Variants in DCAF10 observed in about 807,000 individuals in gnomAD.
The protein encoded by DCAF10 is DDB1- and CUL4-associated factor 10.
Under a neutral mutation model 51.9 loss-of-function variants are expected in DCAF10, and 19 were observed. That is an observed-to-expected ratio of 0.37 (90% CI 0.26 to 0.54). The LOEUF (loss-of-function observed/expected upper bound fraction) is 0.54, where lower values mean the gene tolerates loss of function less well. DCAF10 is among the 20% of genes least tolerant of loss of function. The pLI is 0.87. For missense variants in DCAF10, 510 were observed against 730.6 expected, an observed-to-expected ratio of 0.70 and a Z score of 3.48; for synonymous variants, 291 against 297.1, an observed-to-expected ratio of 0.98 and a Z score of 0.21.
chr9:37,823,122 A>G (rs1290761769), intron 2 of DCAF10, among the ~76,000 whole-genome samples: 2 of 152,212 alleles, frequency 1.3e-5, no homozygotes, highest in African/African-American at 4.8e-5. Flanking sequence ...TAAAATATGA[A>G]AAAGTAGTTG....
chr9:37,821,748 A>T (rs1340611532), intron 2 of DCAF10, among the ~76,000 whole-genome samples: 1 of 152,216 alleles, frequency 6.6e-6, no homozygotes, highest in African/African-American at 2.4e-5. Flanking sequence ...TGCAATAAAG[A>T]TAAAGATAAA....
At chr9:37,840,878 TTCTA>T (rs981524993) in intron 2 of DCAF10, among the ~76,000 whole-genome samples, 10 of 152,166 alleles carry the variant, frequency 6.6e-5, no homozygotes, top group African/African-American at 2.4e-4. Context: ...ACTGTATTTT[TTCTA>T]TCTTTCAATA....
rs1042024518 is a variant in DCAF10 at position 37,829,447 on chromosome 9, A to G, written c.653+10046A>G. ...AAGAGCAAGACTCCATGTCAAAAAAATTAATAAATAAAATAAAATAAAACA... is the reference window on the plus strand; with the variant it reads ...AAGAGCAAGACTCCATGTCAAAAAAGTTAATAAATAAAATAAAATAAAACA... On this transcript the variant is annotated intron_variant, in intron 2 of 6. Coordinates refer to ENST00000377724, the MANE Select transcript of DCAF10 (RefSeq NM_024345.5). This position sits in a 1 kb window ranked among gnomAD's most constrained non-coding sequence, Gnocchi z 4.2. 2.6e-5 allele frequency among the ~76,000 whole-genome samples: 4 copies of G among 152,134 alleles called. No individual in the cohort carries two copies. Among genetic ancestry groups the G allele is most frequent in the African/African-American group, 9.7e-5 (4 of 41,410 alleles).
chr9:37,856,840 A>G (rs570965995), intron 4 of DCAF10, among the ~76,000 whole-genome samples: 2 of 152,316 alleles, frequency 1.3e-5, no homozygotes, highest in East Asian at 3.9e-4. Flanking sequence ...AGTTTTTGGT[A>G]TACTTTAAAG....
At chr9:37,826,727 A>T (rs1360754821) in intron 2 of DCAF10, among the ~76,000 whole-genome samples, 1 of 152,100 alleles carries the variant, frequency 6.6e-6, no homozygotes, top group Non-Finnish European at 1.5e-5. Flanking sequence ...TTCAGAACCT[A>T]GCAGTTTTTT....
intron 3 of DCAF10, among the ~76,000 whole-genome samples, chr9:37,852,303 T>C (rs1830678289): frequency 1.3e-5 from 2 of 152,164 alleles, no homozygotes; most frequent in Non-Finnish European, 1.5e-5. Context: ...CTTTATTCAA[T>C]AAGATGAGTT....
chr9:37,821,056 C>G (rs1829685713), intron 2 of DCAF10, among the ~76,000 whole-genome samples: 2 of 151,660 alleles, frequency 1.3e-5, no homozygotes, highest in African/African-American at 4.9e-5. Flanking sequence ...CCATTTCTTG[C>G]TATCCTTTCT....
chr9:37,865,929 T>G lies in DCAF10; in HGVS notation c.*4421T>G, dbSNP rs1831127825. ...AAATTGTGTTATCTAGAAAGTGCAA[T>G]ATAGGGAAAACACTCTAAGAATCTT... On this transcript the variant is annotated 3_prime_UTR_variant, in exon 7 of 7. Transcript: ENST00000377724. 6.5e-6 allele frequency: 1 copy of G among 152,766 alleles called. No individual in the cohort carries two copies. Among genetic ancestry groups the G allele is most frequent in the East Asian group, 1.9e-4 (1 of 5,190 alleles). 9.5% of individuals were successfully genotyped at this position (152,766 alleles called of 1,614,324 possible). A position where few individuals can be genotyped will look rare whatever the true frequency, so the allele number is the denominator to read the frequency against.
intron 1 of DCAF10, among the ~76,000 whole-genome samples, chr9:37,810,384 G>A (rs1407950234): frequency 1.3e-5 from 2 of 152,124 alleles, no homozygotes; most frequent in South Asian, 2.1e-4. Flanking sequence ...ATTTGAGCTC[G>A]CTTCTCTGAG....
upstream of DCAF10, chr9:37,800,724 C>G (rs1828890834): frequency 6.5e-7 from 1 of 1,535,260 alleles, no homozygotes; most frequent in African/African-American, 1.4e-5. Flanking sequence ...TTCCCGGTCC[C>G]CGGCGGACGG....
chr9:37,802,603 A>G (rs905161104), intron 1 of DCAF10, among the ~76,000 whole-genome samples: 3 of 152,204 alleles, frequency 2.0e-5, no homozygotes, highest in African/African-American at 7.2e-5. Context: ...GAAGTTGCTA[A>G]GGAAGGAGCA....
intron 5 of DCAF10, among the ~76,000 whole-genome samples, chr9:37,858,120 T>G (rs150271762): frequency 1.3e-5 from 2 of 152,276 alleles, no homozygotes; most frequent in African/African-American, 4.8e-5. Flanking sequence ...AATCTTAGAC[T>G]TCTAATTTGT....
Position 37,829,466 on chromosome 9 carries a change from T to G in DCAF10, c.653+10065T>G, listed in dbSNP as rs531590520. On this transcript the variant is annotated intron_variant, in intron 2 of 6. Coordinates refer to ENST00000377724, the MANE Select transcript of DCAF10 (RefSeq NM_024345.5). The surrounding 1 kb of genome is among the most constrained non-coding windows in gnomAD (Gnocchi z 4.2). ...AAAAAAATTAATAAATAAAATAAAA[T>G]AAAACAAAAAACTACAATGAAGAAT... Among the ~76,000 whole-genome samples, 1 of 151,622 alleles carries G rather than the reference T, an allele frequency of 6.6e-6. No individual in the cohort carries two copies. The highest frequency in any genetic ancestry group is 2.4e-5 in the African/African-American group (1 of 41,274).
At chr9:37,836,233 A>C in intron 2 of DCAF10, 1 of 1,543,564 alleles carries the variant, frequency 6.5e-7, no homozygotes, top group Non-Finnish European at 9.0e-7. Flanking sequence ...GAGTTAGAAC[A>C]TCTAACTGGA....
rs1210644446 is a variant in DCAF10, at chr9:37,801,710, G to A, written c.539+305G>A. On this transcript the variant is annotated intron_variant, in intron 1 of 6. Transcript: ENST00000377724. The surrounding 1 kb of genome is among the most constrained non-coding windows in gnomAD (Gnocchi z 5.5). Reference sequence around the variant, plus strand: ...GCCAGCCCACAACTAGGGCTTTCTGGTACACAGTAGGTGCTCAGTAAATAC... The same window carrying A: ...GCCAGCCCACAACTAGGGCTTTCTGATACACAGTAGGTGCTCAGTAAATAC... Among the ~76,000 whole-genome samples, 2 of 152,224 alleles carry A rather than the reference G, an allele frequency of 1.3e-5. No homozygotes were observed. The highest frequency in any genetic ancestry group is 2.9e-5 in the Non-Finnish European group (2 of 68,034).
At chr9:37,832,873 TTTTTA>T (rs948455596) in intron 2 of DCAF10, among the ~76,000 whole-genome samples, 1 of 151,246 alleles carries the variant, frequency 6.6e-6, no homozygotes, top group African/African-American at 2.5e-5. Flanking sequence ...TTTGTTTTGT[TTTTTA>T]TTTTTTGTTT....
At chr9:37,842,518 G>A (rs1830364090) in intron 3 of DCAF10, among the ~76,000 whole-genome samples, 1 of 152,012 alleles carries the variant, frequency 6.6e-6, no homozygotes, top group Admixed American at 6.6e-5. Flanking sequence ...ATGAAAACTG[G>A]CTTATAAAAA....
intron 2 of DCAF10, chr9:37,836,100 G>A: frequency 1.6e-6 from 2 of 1,226,068 alleles, no homozygotes; most frequent in Non-Finnish European, 2.4e-6. Context: ...TAAAGAACTT[G>A]GTATCTCTAT....
At position 37,861,211 on chromosome 9, in the gene DCAF10, G is replaced by T. The variant is rs1587136886; in HGVS notation, c.1383G>T (p.Leu461=). Residue 461 remains leucine (L), a synonymous_variant, in exon 7 of 7, where the codon CTG becomes CTT. Coordinates refer to ENST00000377724, the MANE Select transcript of DCAF10 (RefSeq NM_024345.5). The surrounding 1 kb of genome is among the most constrained non-coding windows in gnomAD (Gnocchi z 4.9). The stretch of plus-strand genomic sequence containing the variant: ...TCTCACCTCGCTGTTCTCTACGACT[G>T]ACTCATTACATTGAAGAAGCCAATG... The part of the protein sequence containing the change: ...RPVSPRCSLR[L]THYIEEANVG... The T allele has an allele frequency of 1.2e-6, 2 of 1,613,942 alleles. No individual in the cohort carries two copies. The highest frequency in any genetic ancestry group is 4.5e-5 in the East Asian group (2 of 44,882).
Sources: gnomAD v4.1 joint callset for allele counts (sites outside exome capture counted in the v4.1 genomes callset) on GRCh38, gnomAD v4.1.1 for gene constraint, Gnocchi (gnomAD v3.1) non-coding constraint, MANE v1.5 for transcripts, NCBI Gene and HGNC (gene_info 2026-07-23, HGNC 2026-07-21) for gene names.